MYLK: variants seen among roughly 807,000 people sequenced by gnomAD.
The protein encoded by MYLK is myosin light chain kinase, smooth muscle.
Under a neutral mutation model 203.4 loss-of-function variants are expected in MYLK, and 106 were observed. The observed-to-expected ratio is 0.52, with a 90% confidence interval of 0.45 to 0.61. MYLK has a LOEUF of 0.61. Ranked by LOEUF, MYLK falls within the 20% of genes least tolerant of loss-of-function variation. The pLI, the probability that MYLK is intolerant of heterozygous loss-of-function variation, is 0.00. For synonymous variants in MYLK, 867 were observed against 959.5 expected (o/e 0.90, Z 1.78); for missense variants, 2,072 against 2,442.3 (o/e 0.85, Z 3.20).
intron 5 of MYLK, among the ~76,000 whole-genome samples, chr3:123,742,221 C>T (rs374062761): frequency 1.2e-4 from 18 of 152,258 alleles, no homozygotes; most frequent in African/African-American, 4.3e-4. Context: ...CAACCCATAT[C>T]CCCACTAGAA....
At chr3:123,766,221 C>A (rs2063697141) in intron 4 of MYLK, among the ~76,000 whole-genome samples, 1 of 152,228 alleles carries the variant, frequency 6.6e-6, no homozygotes. Flanking sequence ...CAGACCAAAG[C>A]CACTCTCTGT....
intron 32 of MYLK, among the ~76,000 whole-genome samples, chr3:123,619,008 A>T (rs1306671736): frequency 1.3e-5 from 2 of 152,202 alleles, no homozygotes; most frequent in Non-Finnish European, 2.9e-5. Context: ...CCTTCCCCTT[A>T]TGCTGACATG....
At chr3:123,660,542 G>A (rs979734962) in intron 23 of MYLK, among the ~76,000 whole-genome samples, 1 of 152,076 alleles carries the variant, frequency 6.6e-6, no homozygotes, top group Non-Finnish European at 1.5e-5. Context: ...CAAATTCCTG[G>A]GCTGCCTTTT....
intron 29 of MYLK, among the ~76,000 whole-genome samples, chr3:123,631,396 CAA>C (rs34937543): frequency 0.13 from 14,822 of 117,778 alleles, 986 homozygotes; most frequent in Middle Eastern, 0.23. Context: ...AACTCAATCT[CAA>C]AAAAAAAAAA....
chr3:123,651,873 G>A (rs2059223936), intron 24 of MYLK, among the ~76,000 whole-genome samples: 1 of 152,212 alleles, frequency 6.6e-6, no homozygotes, highest in Admixed American at 6.5e-5. Flanking sequence ...CTGGGGGAAG[G>A]ACCTAGATCA....
intron 3 of MYLK, among the ~76,000 whole-genome samples, chr3:123,816,247 G>C (rs2065745891): frequency 6.6e-6 from 1 of 152,394 alleles, no homozygotes; most frequent in South Asian, 2.1e-4. Flanking sequence ...AAGTCAGCCA[G>C]CTCTGGCACC....
At chr3:123,838,282 A>C (rs1419325240) in intron 2 of MYLK, among the ~76,000 whole-genome samples, 1 of 152,202 alleles carries the variant, frequency 6.6e-6, no homozygotes, top group East Asian at 1.9e-4. Context: ...GAACCCTGTC[A>C]ATCTGGAATT....
At chr3:123,671,944 C>T (rs908169300) in intron 20 of MYLK, among the ~76,000 whole-genome samples, 2 of 152,042 alleles carry the variant, frequency 1.3e-5, no homozygotes, top group African/African-American at 2.4e-5. Flanking sequence ...GGGCTTCTAC[C>T]GGAGCCCAGA....
At chr3:123,823,312 C>A (rs1041346392) in intron 3 of MYLK, among the ~76,000 whole-genome samples, 4 of 152,180 alleles carry the variant, frequency 2.6e-5, no homozygotes, top group African/African-American at 9.7e-5. Flanking sequence ...CCACTGACCT[C>A]CAGAATTTGA....
intron 29 of MYLK, among the ~76,000 whole-genome samples, chr3:123,631,243 C>T (rs191185013): frequency 2.0e-5 from 3 of 152,092 alleles, no homozygotes; most frequent in South Asian, 2.1e-4. Flanking sequence ...ACTAAAAATA[C>T]AAAAATTAGC....
rs778413815 is a variant in MYLK, at chr3:123,618,638, C to A, written c.5500+1G>T. On this transcript the variant is annotated splice_donor_variant, in intron 33 of 33. Transcript: ENST00000360304. LOFTEE classifies it high-confidence loss of function. ...TGAAGAGAAGCACAGCTACAACTTA[C>A]CTTCAATCTTGCAGTCAAATCTAGC... 1.2e-6 allele frequency: 2 copies of A among 1,614,014 alleles called. No homozygotes were observed. Among genetic ancestry groups the A allele is most frequent in the Non-Finnish European group, 8.5e-7 (1 of 1,179,910 alleles).
Position 123,794,009 on chromosome 3 carries a change from T to C in MYLK, c.-3-165A>G, listed in dbSNP as rs2064891518. 3 of 744,362 alleles carry C rather than the reference T, an allele frequency of 4.0e-6. No individual in the cohort carries two copies. In the East Asian group the frequency reaches 8.1e-5, roughly 20 times the overall value. The allele number at this position is 744,362 out of a possible 1,614,324, so 46.1% of individuals were successfully genotyped here. A position where few individuals can be genotyped will look rare whatever the true frequency, so the allele number is the denominator to read the frequency against. On this transcript the variant is annotated intron_variant, in intron 3 of 33. Transcript: ENST00000360304. ...GCTCCTCTGTGAAGATGAGAGGCTC[T>C]GTCTTTTATACACAAAGTGCCAGGA...
At chr3:123,767,942 T>G (rs1329471655) in intron 4 of MYLK, among the ~76,000 whole-genome samples, 1 of 152,206 alleles carries the variant, frequency 6.6e-6, no homozygotes, top group African/African-American at 2.4e-5. Flanking sequence ...GAGAGTCCTC[T>G]TCAGCCTAAG....
In MYLK at chr3:123,726,197, G is replaced by GCCTGC. The variant is rs1311957119; in HGVS notation, c.1517-124_1517-120dup. The GCCTGC allele has an allele frequency of 6.7e-6, 9 of 1,346,172 alleles. No individual in the cohort carries two copies. The African/African-American group carries it at 1.3e-4, about 19-fold the overall frequency. 83.4% of individuals were successfully genotyped at this position (1,346,172 alleles called of 1,614,324 possible). On this transcript the variant is annotated intron_variant, in intron 11 of 33. Transcript: ENST00000360304. The stretch of plus-strand genomic sequence containing the variant: ...CCTGGACACCTGGGTACCCTCGGCA[G>GCCTGC]CCTGCCTTTGGCTTCTCTCTCTTCA...
At chr3:123,684,531 C>T (rs1221314774) in intron 19 of MYLK, among the ~76,000 whole-genome samples, 1 of 152,034 alleles carries the variant, frequency 6.6e-6, no homozygotes, top group African/African-American at 2.4e-5. Context: ...AAGGTGTACC[C>T]AGTAATTGTT....
rs1431013212 is a variant in MYLK, at chr3:123,700,885, T to C, written c.2583A>G (p.Leu861=). The change falls in exon 18 of 34, where the codon CTA becomes CTG. Residue 861 remains leucine, a synonymous_variant. Coordinates refer to ENST00000360304, the MANE Select transcript of MYLK (RefSeq NM_053025.4). ...GCACGTCCTCGCCGTCTTCCTCCTCTAGCCAACCCTGCCCTCTTGCTGGCC... is the reference window on the plus strand; with the variant it reads ...GCACGTCCTCGCCGTCTTCCTCCTCCAGCCAACCCTGCCCTCTTGCTGGCC... ...PGWPARGQGW[L]EEEDGEDVRG... 8 of 1,613,118 alleles carry C rather than the reference T, an allele frequency of 5.0e-6. No homozygotes were observed.
At chr3:123,731,240 A>T (rs1011930191) in intron 11 of MYLK, among the ~76,000 whole-genome samples, 1 of 152,214 alleles carries the variant, frequency 6.6e-6, no homozygotes, top group Non-Finnish European at 1.5e-5. Context: ...ATTCACGAGG[A>T]TAGTAAAAAT....
intron 2 of MYLK, among the ~76,000 whole-genome samples, chr3:123,868,689 G>A (rs543398877): frequency 6.6e-6 from 1 of 152,194 alleles, no homozygotes; most frequent in Non-Finnish European, 1.5e-5. Context: ...CCTAAACTTT[G>A]GGCCATCAAC....
At chr3:123,797,160 T>A (rs986062889) in intron 3 of MYLK, among the ~76,000 whole-genome samples, 1 of 152,094 alleles carries the variant, frequency 6.6e-6, no homozygotes, top group South Asian at 2.1e-4. Context: ...TACAGAACAG[T>A]AGAATTGAAT....
Sources: gnomAD v4.1 joint callset for allele counts (sites outside exome capture counted in the v4.1 genomes callset) on GRCh38, gnomAD v4.1.1 for gene constraint, MANE v1.5 for transcripts, NCBI Gene and HGNC (gene_info 2026-07-23, HGNC 2026-07-21) for gene names.